Variants in FAM204A observed in about 807,000 individuals in gnomAD.
FAM204A encodes the protein protein FAM204A.
Under a neutral mutation model 35.4 loss-of-function variants are expected in FAM204A, and 16 were observed. That is an observed-to-expected ratio of 0.45 (90% CI 0.31 to 0.69). The LOEUF (loss-of-function observed/expected upper bound fraction) is 0.69, where lower values mean the gene tolerates loss of function less well. FAM204A is among the 30% of genes least tolerant of loss of function. The pLI is 0.07. For missense variants in FAM204A, 240 were observed against 265.7 expected (o/e 0.90, Z 0.67); for synonymous variants, 76 against 86.9 (o/e 0.88, Z 0.70).
At chr10:118,337,364 G>C (rs902247852) in intron 2 of FAM204A, 9 of 397,182 alleles carry the variant, frequency 2.3e-5, no homozygotes, top group African/African-American at 2.0e-4. Flanking sequence ...AAAATGGAAG[G>C]ACGGAAATTT....
Position 118,326,171 on chromosome 10 carries a change from G to T in FAM204A, c.526C>A (p.Gln176Lys). 1 of 1,613,782 alleles carries T rather than the reference G, an allele frequency of 6.2e-7. No individual in the cohort carries two copies. Among genetic ancestry groups the T allele is most frequent in the Non-Finnish European group, 8.5e-7 (1 of 1,179,776 alleles). ...NIEKAEELSN[Q>K]LATRELGVKI... ...TGACTCACCTCTCGAGTAGCTAGCT[G>T]GTTGCTGAGTTCCTCAGCCTTCTCA... is the stretch of plus-strand genomic sequence containing the variant. The change falls in exon 7 of 9, where the codon CAG becomes AAG. Residue 176 changes from glutamine (Q) to lysine (K), a missense_variant. Gln to Lys is a moderately conservative substitution (Grantham distance 53). Coordinates refer to ENST00000369183, the MANE Select transcript of FAM204A (RefSeq NM_022063.3).
At position 118,301,499 on chromosome 10, in the gene FAM204A, G is replaced by C. The variant is rs532500773; in HGVS notation, c.*9358C>G. ...TCTGAGTTAGGAAACCGAATCTTTT[G>C]TAATGGGAGTAAGCATGTCTGTTCT... On this transcript the variant is annotated 3_prime_UTR_variant, in exon 9 of 9. Transcript: ENST00000369183. 2 of 152,288 alleles carry C rather than the reference G, an allele frequency of 1.3e-5. No homozygotes were observed. The highest frequency in any genetic ancestry group is 3.9e-4 in the East Asian group (2 of 5,178). The allele number at this position is 152,288 out of a possible 1,614,324, so 9.4% of individuals were successfully genotyped here. A position where few individuals can be genotyped will look rare whatever the true frequency, so the allele number is the denominator to read the frequency against.
At position 118,307,569 on chromosome 10, in the gene FAM204A, T is replaced by G. The variant is rs1416516447; in HGVS notation, c.*3288A>C. On this transcript the variant is annotated 3_prime_UTR_variant, in exon 9 of 9. Transcript: ENST00000369183. Reference sequence around the variant, plus strand: ...AACTTTATCATCTCTTAAAAAATAATGTACAACTCTCATTTTGTTTAAACA... The same window carrying G: ...AACTTTATCATCTCTTAAAAAATAAGGTACAACTCTCATTTTGTTTAAACA... 2.6e-5 allele frequency: 4 copies of G among 152,206 alleles called. No individual in the cohort carries two copies. The highest frequency in any genetic ancestry group is 9.6e-5 in the African/African-American group (4 of 41,464). The allele number at this position is 152,206 out of a possible 1,614,324, so 9.4% of individuals were successfully genotyped here.
rs1392011871 is a variant in FAM204A, at chr10:118,310,924, T to A, written c.651-16A>T. On this transcript the variant is annotated splice_polypyrimidine_tract_variant and intron_variant, in intron 8 of 8. Coordinates refer to ENST00000369183, the MANE Select transcript of FAM204A (RefSeq NM_022063.3). ...TGCTTCAAACCTAAAAGGAAGAACATACAAATCTCAATTTATTTCTTAAAA... is the reference window on the plus strand; with the variant it reads ...TGCTTCAAACCTAAAAGGAAGAACAAACAAATCTCAATTTATTTCTTAAAA... 1.3e-6 allele frequency: 2 copies of A among 1,569,674 alleles called. No homozygotes were observed. Among genetic ancestry groups the A allele is most frequent in the Non-Finnish European group, 1.7e-6 (2 of 1,156,822 alleles).
At chr10:118,325,905 A>T (rs897115348) in intron 7 of FAM204A, among the ~76,000 whole-genome samples, 2 of 152,198 alleles carry the variant, frequency 1.3e-5, no homozygotes, top group Non-Finnish European at 2.9e-5. Flanking sequence ...TCCAGGTAAA[A>T]TCTAAGGTTC....
intron 7 of FAM204A, chr10:118,322,360 G>C (rs746573084): frequency 6.6e-6 from 3 of 456,362 alleles, no homozygotes; most frequent in South Asian, 4.6e-5. Context: ...GACAGCACGA[G>C]TCTCTGGATC....
Position 118,305,191 on chromosome 10 carries a change from G to A in FAM204A, c.*5666C>T, listed in dbSNP as rs1845849175. On this transcript the variant is annotated 3_prime_UTR_variant, in exon 9 of 9. Transcript: ENST00000369183. Reference sequence around the variant, plus strand: ...GGAACAGAGCCCTCGTTGATAGCAAGCAACATTCTCCTTTGTCTCATGAAC... The same window carrying A: ...GGAACAGAGCCCTCGTTGATAGCAAACAACATTCTCCTTTGTCTCATGAAC... 1 of 152,168 alleles carries A rather than the reference G, an allele frequency of 6.6e-6. No individual in the cohort carries two copies. The highest frequency in any genetic ancestry group is 1.5e-5 in the Non-Finnish European group (1 of 68,042). 9.4% of individuals were successfully genotyped at this position (152,168 alleles called of 1,614,324 possible).
chr10:118,322,317 A>G, intron 7 of FAM204A: 1 of 456,202 alleles, frequency 2.2e-6, no homozygotes, highest in Non-Finnish European at 4.4e-6. Flanking sequence ...GAAGTAGTTA[A>G]TCGAAGTAAC....
chr10:118,338,057 A>G (rs1846416286), intron 2 of FAM204A, among the ~76,000 whole-genome samples: 1 of 152,198 alleles, frequency 6.6e-6, no homozygotes, highest in South Asian at 2.1e-4. Flanking sequence ...ATGAGGGCAA[A>G]TTACTAGGAA....
In FAM204A at chr10:118,298,262, T is replaced by TA. The variant is rs555832080; in HGVS notation, c.*12594dup. 6.6e-6 allele frequency: 1 copy of TA among 152,220 alleles called. No homozygotes were observed. The highest frequency in any genetic ancestry group is 1.5e-5 in the Non-Finnish European group (1 of 68,054). The allele number at this position is 152,220 out of a possible 1,614,324, so 9.4% of individuals were successfully genotyped here. ...GCCAGACAGGAAATCCACTGGTATTTAAAAAGATAGGTTGTGTGCATGGTA... is the reference window on the plus strand; with the variant it reads ...GCCAGACAGGAAATCCACTGGTATTTAAAAAAGATAGGTTGTGTGCATGGTA... On this transcript the variant is annotated 3_prime_UTR_variant, in exon 9 of 9. Coordinates refer to ENST00000369183, the MANE Select transcript of FAM204A (RefSeq NM_022063.3).
rs1326189629 is a variant in FAM204A at position 118,336,305 on chromosome 10, C to T, written c.111G>A (p.Glu37=). Residue 37 remains glutamate (E), a synonymous_variant, in exon 3 of 9, where the codon GAG becomes GAA. Coordinates refer to ENST00000369183, the MANE Select transcript of FAM204A (RefSeq NM_022063.3). The stretch of plus-strand genomic sequence containing the variant: ...TTTCTGTTTTTCTGATGCTCTCATC[C>T]TCTTTATCTTCCTGTAAGTTAAGTC... ...NSGLNLQEDK[E]DESIRKTEII... 2.5e-6 allele frequency: 4 copies of T among 1,613,872 alleles called. No individual in the cohort carries two copies. Among genetic ancestry groups the T allele is most frequent in the Admixed American group, 3.3e-5 (2 of 59,992 alleles).
At chr10:118,339,883 A>G (rs576479949) in intron 2 of FAM204A, among the ~76,000 whole-genome samples, 1 of 152,306 alleles carries the variant, frequency 6.6e-6, no homozygotes, top group South Asian at 2.1e-4. Context: ...AAATATTTAT[A>G]TACTGTCCTA....
chr10:118,324,203 T>C (rs1423475379), intron 7 of FAM204A, among the ~76,000 whole-genome samples: 4 of 152,044 alleles, frequency 2.6e-5, no homozygotes, highest in Non-Finnish European at 4.4e-5. Flanking sequence ...AACAGAGTAA[T>C]AGTCAAACTG....
chr10:118,340,068 C>G (rs573770467), intron 2 of FAM204A, among the ~76,000 whole-genome samples: 1 of 152,272 alleles, frequency 6.6e-6, no homozygotes, highest in South Asian at 2.1e-4. Context: ...TTTCAAAAAG[C>G]CCAAACTATT....
chr10:118,336,438 A>C lies in FAM204A; in HGVS notation c.-8-15T>G, dbSNP rs886613359. The C allele has an allele frequency of 5.7e-6, 9 of 1,590,838 alleles. No homozygotes were observed. In the Admixed American group the frequency reaches 1.4e-4, roughly 25 times the overall value. The stretch of plus-strand genomic sequence containing the variant: ...CATCTTTTCTTCTATGAGGAAAAAG[A>C]TTAATTTACACATGTAGAATAACCA... On this transcript the variant is annotated splice_polypyrimidine_tract_variant and intron_variant, in intron 2 of 8. Transcript: ENST00000369183.
rs1458185313 is a variant in FAM204A, at chr10:118,319,119, C to CTGT, written c.543+7034_543+7035insACA. On this transcript the variant is annotated intron_variant, in intron 7 of 8. Transcript: ENST00000369183. ...ATACTAGAGCAAGTGCTACAGCATC[C>CTGT]ACAGCACTTTTGAGAAAGGACTACT... is the stretch of plus-strand genomic sequence containing the variant. Among the ~76,000 whole-genome samples the CTGT allele has an allele frequency of 3.3e-5, 5 of 151,930 alleles. No individual in the cohort carries two copies. In the East Asian group the frequency reaches 9.6e-4, roughly 29 times the overall value.
intron 3 of FAM204A, 58 bp downstream of exon 3, chr10:118,336,124 A>G: frequency 6.4e-7 from 1 of 1,571,170 alleles, no homozygotes; most frequent in Non-Finnish European, 8.6e-7. Context: ...GGGCAGAGAC[A>G]CACAGAGGCA....
In FAM204A at chr10:118,338,603, C is replaced by T. The variant is rs529206783; in HGVS notation, c.-8-2180G>A. Reference sequence around the variant, plus strand: ...ACCCTGGGGACAGAAGTATATAAAACAGGCAAAAATCCCTAGCCTCACGAA... The same window carrying T: ...ACCCTGGGGACAGAAGTATATAAAATAGGCAAAAATCCCTAGCCTCACGAA... On this transcript the variant is annotated intron_variant, in intron 2 of 8. Coordinates refer to ENST00000369183, the MANE Select transcript of FAM204A (RefSeq NM_022063.3). Among the ~76,000 whole-genome samples the T allele has an allele frequency of 7.9e-5, 12 of 152,330 alleles. No individual in the cohort carries two copies. The South Asian group carries it at 1.2e-3, about 16-fold the overall frequency.
At position 118,310,505 on chromosome 10, in the gene FAM204A, AG is replaced by A. The variant is rs1845934554; in HGVS notation, c.*351del. ...CTCTGTCTCAAAAAAAAAAAAAAAAAGAAAGAAAGTACGAGAAGCTCACTGG... is the reference window on the plus strand; with the variant it reads ...CTCTGTCTCAAAAAAAAAAAAAAAAAAAAGAAAGTACGAGAAGCTCACTGG... On this transcript the variant is annotated 3_prime_UTR_variant, in exon 9 of 9. Transcript: ENST00000369183. 1.0e-5 allele frequency: 2 copies of A among 191,744 alleles called. No homozygotes were observed. The highest frequency in any genetic ancestry group is 2.1e-5 in the Non-Finnish European group (2 of 95,366). The allele number at this position is 191,744 out of a possible 1,614,324, so 11.9% of individuals were successfully genotyped here. A position where few individuals can be genotyped will look rare whatever the true frequency, so the allele number is the denominator to read the frequency against.
Sources: gnomAD v4.1 joint callset for allele counts (sites outside exome capture counted in the v4.1 genomes callset) on GRCh38, gnomAD v4.1.1 for gene constraint, MANE v1.5 for transcripts, NCBI Gene and HGNC (gene_info 2026-07-23, HGNC 2026-07-21) for gene names.